Variants in FILIP1L observed in about 807,000 individuals in gnomAD.
FILIP1L encodes filamin A interacting protein 1 like, also known as filamin A-interacting protein 1-like.
Under a neutral mutation model 96.6 loss-of-function variants are expected in FILIP1L, and 55 were observed. That is an observed-to-expected ratio of 0.57 (90% CI 0.46 to 0.71). The LOEUF is 0.71. Ranked by LOEUF, FILIP1L falls within the 30% of genes least tolerant of loss-of-function variation. The probability of loss-of-function intolerance (pLI) is 0.00; values close to 1 mark genes in which losing one functional copy is unlikely to be tolerated. For synonymous variants in FILIP1L, 467 were observed against 473.9 expected, an observed-to-expected ratio of 0.99 and a Z score of 0.19; for missense variants, 1,304 against 1,321.2, an observed-to-expected ratio of 0.99 and a Z score of 0.20.
At chr3:99,831,242 T>G (rs1350474414) in intron 5 of FILIP1L, among the ~76,000 whole-genome samples, 2 of 152,358 alleles carry the variant, frequency 1.3e-5, no homozygotes, top group African/African-American at 4.8e-5. Context: ...GGCCAAAGCT[T>G]CAGGAAAACG....
intron 1 of FILIP1L, among the ~76,000 whole-genome samples, chr3:100,066,796 GCT>G (rs2065673067): frequency 6.6e-6 from 1 of 151,780 alleles, no homozygotes; most frequent in Non-Finnish European, 1.5e-5. Flanking sequence ...CTCCCAAAGT[GCT>G]GGGATTACAG....
intron 1 of FILIP1L, among the ~76,000 whole-genome samples, chr3:99,988,341 C>CAAAAA (rs63321762): frequency 1.6e-5 from 1 of 62,324 alleles, no homozygotes; most frequent in Non-Finnish European, 3.4e-5. Context: ...ACTAAAAATC[C>CAAAAA]AAAAAAAAAA....
At chr3:99,887,119 A>C (rs1227056377) in intron 4 of FILIP1L, among the ~76,000 whole-genome samples, 1 of 151,858 alleles carries the variant, frequency 6.6e-6, no homozygotes, top group Non-Finnish European at 1.5e-5. Flanking sequence ...TAAAAATACA[A>C]AATTAGCCGG....
At position 100,021,045 on chromosome 3, in the gene FILIP1L, G is replaced by A. The variant is rs142582276; in HGVS notation, c.-10-90015C>T. Reference sequence around the variant, plus strand: ...CTCGCAAAGTGCTAGGATTACAGGCGTGAGCCACCACGCCTAGCCTAATTT... The same window carrying A: ...CTCGCAAAGTGCTAGGATTACAGGCATGAGCCACCACGCCTAGCCTAATTT... On this transcript the variant is annotated intron_variant, in intron 1 of 5. Transcript: ENST00000477258. 4.8e-3 allele frequency among the ~76,000 whole-genome samples: 726 copies of A among 152,282 alleles called. 7 individuals carry two copies. Among genetic ancestry groups the A allele is most frequent in the African/African-American group, 0.016 (652 of 41,562 alleles).
At chr3:99,917,092 A>G (rs1706977204) in intron 4 of FILIP1L, among the ~76,000 whole-genome samples, 1 of 152,146 alleles carries the variant, frequency 6.6e-6, no homozygotes, top group Non-Finnish European at 1.5e-5. Context: ...GTTTTTGGCT[A>G]CCTGTTTTAT....
At chr3:99,944,077 T>A (rs1356254241) in intron 1 of FILIP1L, among the ~76,000 whole-genome samples, 1 of 152,128 alleles carries the variant, frequency 6.6e-6, no homozygotes, top group Non-Finnish European at 1.5e-5. Flanking sequence ...GAACATCAAA[T>A]GAGATAAGAA....
chr3:100,093,600 G>A (rs1291183181), intron 1 of FILIP1L, among the ~76,000 whole-genome samples: 1 of 152,104 alleles, frequency 6.6e-6, no homozygotes, highest in African/African-American at 2.4e-5. Flanking sequence ...GAACTGTAGT[G>A]GAATGTCACA....
intron 4 of FILIP1L, among the ~76,000 whole-genome samples, chr3:99,875,709 G>A (rs573161686): frequency 5.9e-5 from 9 of 152,224 alleles, no homozygotes; most frequent in African/African-American, 1.9e-4. Context: ...GTTTGAGTCC[G>A]GAGGAGAGAT....
At position 99,850,323 on chromosome 3, in the gene FILIP1L, T is replaced by G; in HGVS notation, c.1353A>C (p.Glu451Asp). The change falls in exon 5 of 6, where the codon GAA becomes GAC. Residue 451 changes from glutamate (E) to aspartate (D), a missense_variant. Transcript: ENST00000477258. ...CYSLKCNLEK[E>D]RMTTKQLSQE... ...GAGACAACTGCTTTGTGGTCATCCTTTCTTTTTCTAAATTGCATTTCAGAG... is the reference window on the plus strand; with the variant it reads ...GAGACAACTGCTTTGTGGTCATCCTGTCTTTTTCTAAATTGCATTTCAGAG... The G allele has an allele frequency of 6.2e-7, 1 of 1,613,118 alleles. No individual in the cohort carries two copies. The highest frequency in any genetic ancestry group is 8.5e-7 in the Non-Finnish European group (1 of 1,179,860).
At chr3:99,948,870 C>G (rs542632312) in intron 1 of FILIP1L, among the ~76,000 whole-genome samples, 2 of 152,186 alleles carry the variant, frequency 1.3e-5, no homozygotes, top group Admixed American at 6.5e-5. Flanking sequence ...TGCCCCACTC[C>G]CTCTCAGCAG....
intron 1 of FILIP1L, among the ~76,000 whole-genome samples, chr3:100,084,171 G>A (rs1364397559): frequency 1.3e-5 from 2 of 152,080 alleles, no homozygotes; most frequent in Admixed American, 6.6e-5. Flanking sequence ...ATGCATTTGT[G>A]CCCCAGTTAA....
At position 99,929,941 on chromosome 3, in the gene FILIP1L, T is replaced by G. The variant is rs1264917629; in HGVS notation, c.341A>C (p.Lys114Thr). 6.2e-7 allele frequency: 1 copy of G among 1,613,406 alleles called. No homozygotes were observed. Among genetic ancestry groups the G allele is most frequent in the Non-Finnish European group, 8.5e-7 (1 of 1,179,662 alleles). The stretch of plus-strand genomic sequence containing the variant: ...ATCTCTCTGGAGAGCCTCTAACACC[T>G]TTTTTGGAGTGACAAACCCATACTG... ...EAQYGFVTPK[K>T]VLEALQRDAF... Residue 114 changes from lysine (K) to threonine (T), a missense_variant, in exon 3 of 6, where the codon AAG becomes ACG. By Grantham distance (78) the Lys-to-Thr change is moderately conservative (BLOSUM62 -1). Coordinates refer to ENST00000477258, the MANE Select transcript of FILIP1L (RefSeq NM_001387850.1).
Position 99,945,415 on chromosome 3 carries a change from G to T in FILIP1L, c.-10-14385C>A, listed in dbSNP as rs534885883. On this transcript the variant is annotated intron_variant, in intron 1 of 5. Transcript: ENST00000477258. ...TGAGCTTGGGGGTTCCACCCACTGT[G>T]TGTGGTTCCATATAGCCCTTTGTTA... is the stretch of plus-strand genomic sequence containing the variant. Among the ~76,000 whole-genome samples, 4 of 152,296 alleles carry T rather than the reference G, an allele frequency of 2.6e-5. 1 individual carries two copies. The South Asian group carries it at 8.3e-4, about 32-fold the overall frequency.
In FILIP1L at chr3:100,057,421, C is replaced by T. The variant is rs75478676; in HGVS notation, c.-11+56632G>A. On this transcript the variant is annotated intron_variant, in intron 1 of 5. Transcript: ENST00000477258. ...CCAATAAAAGCCCAGACCTTTCAAG[C>T]TATAGAATCTGCTTATAAATTGGAA... Among the ~76,000 whole-genome samples, 486 of 152,336 alleles carry T rather than the reference C, an allele frequency of 3.2e-3. 4 individuals are homozygous for T. Among genetic ancestry groups the T allele is most frequent in the African/African-American group, 0.011 (474 of 41,584 alleles).
intron 1 of FILIP1L, among the ~76,000 whole-genome samples, chr3:100,061,158 A>G (rs534193355): frequency 6.6e-6 from 1 of 152,240 alleles, no homozygotes; most frequent in Non-Finnish European, 1.5e-5. Context: ...AAAAAATTTT[A>G]AAAGGAAGGA....
At chr3:99,924,550 C>G (rs1559690106) in intron 3 of FILIP1L, 142 bp from the exon 4 acceptor site, 1 of 819,840 alleles carries the variant, frequency 1.2e-6, no homozygotes, top group Non-Finnish European at 1.9e-6. Flanking sequence ...ACAGTTTTCG[C>G]TGTCGTTGCC....
intron 1 of FILIP1L, among the ~76,000 whole-genome samples, chr3:99,945,290 T>C (rs1707975514): frequency 6.6e-6 from 1 of 152,130 alleles, no homozygotes; most frequent in Admixed American, 6.5e-5. Flanking sequence ...TTCCCCATAC[T>C]CCCTCATGAG....
chr3:99,982,765 C>G (rs756197683), intron 1 of FILIP1L, among the ~76,000 whole-genome samples: 7 of 152,148 alleles, frequency 4.6e-5, no homozygotes, highest in Admixed American at 2.0e-4. Flanking sequence ...ATAGAATGAT[C>G]CTTCCTCATT....
chr3:100,019,551 A>T (rs2064768380), intron 1 of FILIP1L, among the ~76,000 whole-genome samples: 1 of 152,186 alleles, frequency 6.6e-6, no homozygotes, highest in African/African-American at 2.4e-5. Context: ...AGAAAAGTAA[A>T]TACGTAAAAT....
Sources: allele counts gnomAD v4.1 joint callset (sites outside exome capture counted in the v4.1 genomes callset), GRCh38; gene constraint gnomAD v4.1.1; transcripts MANE v1.5; gene names NCBI Gene and HGNC (gene_info 2026-07-23, HGNC 2026-07-21).